The following METTL27 variants were observed in gnomAD, a reference collection of about 807,000 sequenced individuals.
METTL27 encodes methyltransferase-like protein 27.
Under a neutral mutation model 24.5 loss-of-function variants are expected in METTL27, and 29 were observed. That is an observed-to-expected ratio of 1.18 (90% CI 0.88 to 1.61). The LOEUF (loss-of-function observed/expected upper bound fraction) is 1.61, where lower values mean the gene tolerates loss of function less well. Among genes scored for constraint, METTL27 ranks in the 40% most tolerant of loss-of-function variants. The pLI is 0.00. For missense variants in METTL27, 341 were observed against 324.3 expected, an observed-to-expected ratio of 1.05 and a Z score of -0.40; for synonymous variants, 138 against 146.8, an observed-to-expected ratio of 0.94 and a Z score of 0.43.
intron 1 of METTL27, 126 bp downstream of exon 1, chr7:73,842,364 A>AG: frequency 1.5e-6 from 1 of 662,678 alleles, no homozygotes; most frequent in Non-Finnish European, 2.3e-6. Flanking sequence ...AGGTGGGAGA[A>AG]GGGGGTGCCC....
chr7:73,840,132 TGG>T lies in METTL27; in HGVS notation c.389-14_389-13del, dbSNP rs374062552. ...CGCGTCGAAGGTCCCTGTGTGTGTG[TGG>T]GGGGGGGTGGGGACATGGTGTGATG... On this transcript the variant is annotated splice_polypyrimidine_tract_variant and intron_variant, in intron 4 of 5. Coordinates refer to ENST00000297873, the MANE Select transcript of METTL27 (RefSeq NM_152559.3). The T allele has an allele frequency of 1.9e-4, 155 of 815,940 alleles. 1 individual carries two copies. The highest frequency in any genetic ancestry group is 3.1e-4 in the Admixed American group (8 of 25,918). The allele number at this position is 815,940 out of a possible 1,614,324, so 50.5% of individuals were successfully genotyped here.
In METTL27 at chr7:73,840,128, T is replaced by C. The variant is rs782675625; in HGVS notation, c.389-8A>G. 9 of 1,210,816 alleles carry C rather than the reference T, an allele frequency of 7.4e-6. No homozygotes were observed. Among genetic ancestry groups the C allele is most frequent in the Non-Finnish European group, 9.9e-6 (9 of 906,594 alleles). The allele number at this position is 1,210,816 out of a possible 1,614,324, so 75.0% of individuals were successfully genotyped here. A position where few individuals can be genotyped will look rare whatever the true frequency, so the allele number is the denominator to read the frequency against. On this transcript the variant is annotated splice_region_variant and splice_polypyrimidine_tract_variant and intron_variant, in intron 4 of 5. Coordinates refer to ENST00000297873, the MANE Select transcript of METTL27 (RefSeq NM_152559.3). ...GCACCGCGTCGAAGGTCCCTGTGTG[T>C]GTGTGGGGGGGGGTGGGGACATGGT...
intron 5 of METTL27, among the ~76,000 whole-genome samples, chr7:73,837,082 C>T (rs1554635449): frequency 1.4e-5 from 2 of 146,576 alleles, no homozygotes; most frequent in African/African-American, 5.0e-5. Context: ...TGCTTGAAGG[C>T]AGCATGCTCG....
chr7:73,838,216 C>T (rs1554635686), intron 5 of METTL27, among the ~76,000 whole-genome samples: 1 of 152,144 alleles, frequency 6.6e-6, no homozygotes, highest in Non-Finnish European at 1.5e-5. Context: ...ACCACTCACC[C>T]ACGCCTCTGC....
Position 73,841,162 on chromosome 7 carries a change from C to A in METTL27, c.160G>T (p.Ala54Ser). The part of the protein sequence containing the change: ...ATLLYRAPRL[A>S]VDCLTQALPG... ...AGGGCTTGTGTGAGGCAGTCCACTG[C>A]GAGGCGGGGCGCACGGTACAGCAGG... Residue 54 changes from alanine to serine, a missense_variant, in exon 3 of 6, where the codon GCA (alanine) becomes TCA (serine). Transcript: ENST00000297873. 6.5e-7 allele frequency: 1 copy of A among 1,548,444 alleles called. No individual in the cohort carries two copies.
chr7:73,838,722 C>A (rs1468670860), intron 5 of METTL27, among the ~76,000 whole-genome samples: 2 of 152,212 alleles, frequency 1.3e-5, no homozygotes, highest in Non-Finnish European at 2.9e-5. Context: ...CCAACTTCGA[C>A]CTTTCCAGCT....
Position 73,834,990 on chromosome 7 carries a change from C to A in METTL27, c.491G>T (p.Cys164Phe). The A allele has an allele frequency of 6.2e-7, 1 of 1,611,292 alleles. No individual in the cohort carries two copies. The highest frequency in any genetic ancestry group is 8.5e-7 in the Non-Finnish European group (1 of 1,179,390). Residue 164 changes from cysteine (C) to phenylalanine (F), a missense_variant, in exon 6 of 6, where the codon TGT becomes TTT. Cys to Phe is a radical substitution (Grantham distance 205). Coordinates refer to ENST00000297873, the MANE Select transcript of METTL27 (RefSeq NM_152559.3). Reference protein sequence around the residue: ...LHVTKPGGLVCLTTRTNSSNL... With the variant: ...LHVTKPGGLVFLTTRTNSSNL... ...GGACGAGTTGGTCCTGGTGGTCAGACACACCAGCCCACCTGGGGGAGAGGG... is the reference window on the plus strand; with the variant it reads ...GGACGAGTTGGTCCTGGTGGTCAGAAACACCAGCCCACCTGGGGGAGAGGG...
At position 73,840,023 on chromosome 7, in the gene METTL27, C is replaced by T. The variant is rs1281674457; in HGVS notation, c.478+8G>A. ...GGGTTGGGGGTGGTTGGCTGGGCTG[C>T]TCCTCACCTGGCTTGGTGACATGTA... On this transcript the variant is annotated splice_region_variant and intron_variant, in intron 5 of 5. Coordinates refer to ENST00000297873, the MANE Select transcript of METTL27 (RefSeq NM_152559.3). 3.7e-6 allele frequency: 6 copies of T among 1,604,216 alleles called. No homozygotes were observed. The Admixed American group carries it at 6.7e-5, about 18-fold the overall frequency.
Position 73,834,944 on chromosome 7 carries a change from A to G in METTL27, c.537T>C (p.Ala179=). ...TNSSNLQYKE[A]LEATLDRLEQ... is the part of the protein sequence containing the mutation. ...CCAGCCTGTCCAGGGTGGCCTCCAG[A>G]GCCTCCTTGTATTGAAGGTTGGACG... Residue 179 remains alanine, a synonymous_variant, in exon 6 of 6, where the codon GCT becomes GCC. Coordinates refer to ENST00000297873, the MANE Select transcript of METTL27 (RefSeq NM_152559.3). 6.2e-7 allele frequency: 1 copy of G among 1,613,658 alleles called. No homozygotes were observed. The highest frequency in any genetic ancestry group is 8.5e-7 in the Non-Finnish European group (1 of 1,179,926).
chr7:73,835,868 C>A (rs1442809398), intron 5 of METTL27, among the ~76,000 whole-genome samples: 1 of 144,746 alleles, frequency 6.9e-6, no homozygotes, highest in Non-Finnish European at 1.6e-5. Context: ...CCCCGCCGCC[C>A]CGTCTGGGAT....
chr7:73,840,182 G>A (rs1422041844), intron 4 of METTL27, 62 bp from the exon 5 acceptor site: 17 of 1,549,394 alleles, frequency 1.1e-5, no homozygotes, highest in Non-Finnish European at 1.5e-5. Context: ...TTTGTCTATG[G>A]TGTGGCCTCA....
rs782742832 is a variant in METTL27, at chr7:73,841,103, G to A, written c.219C>T (p.Asp73=). 9 of 1,520,596 alleles carry A rather than the reference G, an allele frequency of 5.9e-6. No homozygotes were observed. The highest frequency in any genetic ancestry group is 1.7e-4 in the Middle Eastern group (1 of 5,790). The allele number at this position is 1,520,596 out of a possible 1,614,324, so 94.2% of individuals were successfully genotyped here. A position where few individuals can be genotyped will look rare whatever the true frequency, so the allele number is the denominator to read the frequency against. ...PGPPHSALIL[D]VACGTGLVAA... Reference sequence around the variant, plus strand: ...CCACTAGGCCTGTGCCACAGGCCACGTCCAGGATCAGGGCACTGTGGGGCG... The same window carrying A: ...CCACTAGGCCTGTGCCACAGGCCACATCCAGGATCAGGGCACTGTGGGGCG... Residue 73 remains aspartate, a synonymous_variant, in exon 3 of 6, where the codon GAC becomes GAT. Transcript: ENST00000297873.
At chr7:73,835,823 GCCGC>G (rs1788159637) in intron 5 of METTL27, among the ~76,000 whole-genome samples, 1 of 111,644 alleles carries the variant, frequency 9.0e-6, no homozygotes, top group African/African-American at 3.0e-5. Flanking sequence ...TCTCTGCCCG[GCCGC>G]CCATTGTCTG....
intron 4 of METTL27, 114 bp downstream of exon 4, chr7:73,840,300 G>T (rs1788315167): frequency 1.1e-5 from 17 of 1,510,118 alleles, no homozygotes; most frequent in Non-Finnish European, 1.4e-5. Context: ...AGATCGTGGG[G>T]TGCAGGGTTG....
rs1554635988 is a variant in METTL27, at chr7:73,840,042, A to G, written c.467T>C (p.Val156Ala). 2 of 1,608,958 alleles carry G rather than the reference A, an allele frequency of 1.2e-6. No individual in the cohort carries two copies. The highest frequency in any genetic ancestry group is 1.1e-5 in the South Asian group (1 of 90,636). Residue 156 changes from valine (V) to alanine (A), a missense_variant, in exon 5 of 6, where the codon GTC (valine) becomes GCC (alanine). By Grantham distance (64) the Val-to-Ala change is moderately conservative. Coordinates refer to ENST00000297873, the MANE Select transcript of METTL27 (RefSeq NM_152559.3). ...VPCNAIPELHVTKPGGLVCLT... is the reference protein window; with the variant it reads ...VPCNAIPELHATKPGGLVCLT... ...GGGCTGCTCCTCACCTGGCTTGGTGACATGTAGCTCAGGTATCGCATTGCA... is the reference window on the plus strand; with the variant it reads ...GGGCTGCTCCTCACCTGGCTTGGTGGCATGTAGCTCAGGTATCGCATTGCA...
At chr7:73,838,504 G>A (rs889298745) in intron 5 of METTL27, among the ~76,000 whole-genome samples, 43 of 152,208 alleles carry the variant, frequency 2.8e-4, no homozygotes, top group Admixed American at 1.3e-3. Flanking sequence ...CCAAGTGACT[G>A]GTCTGGGAAG....
At chr7:73,838,363 G>A (rs1554635717) in intron 5 of METTL27, among the ~76,000 whole-genome samples, 1 of 152,178 alleles carries the variant, frequency 6.6e-6, no homozygotes, top group East Asian at 1.9e-4. Context: ...ATCACAGGAA[G>A]GCTGGTATGT....
At chr7:73,840,303 CAGGGTTGAGTG>C (rs1198850302) in intron 4 of METTL27, 100 bp downstream of exon 4, 2 of 1,513,076 alleles carry the variant, frequency 1.3e-6, no homozygotes, top group African/African-American at 2.8e-5. Flanking sequence ...TCGTGGGGTG[CAGGGTTGAGTG>C]AGGGACTGGG....
At chr7:73,837,876 A>G (rs1788252342) in intron 5 of METTL27, among the ~76,000 whole-genome samples, 1 of 150,030 alleles carries the variant, frequency 6.7e-6, no homozygotes, top group South Asian at 2.1e-4. Context: ...TTGAGATAGG[A>G]TCTCACCCTA....
Sources: allele counts gnomAD v4.1 joint callset (sites outside exome capture counted in the v4.1 genomes callset), GRCh38; gene constraint gnomAD v4.1.1; transcripts MANE v1.5; gene names NCBI Gene and HGNC (gene_info 2026-07-23, HGNC 2026-07-21).